Variants in SAMSN1 observed in about 807,000 individuals in gnomAD.
SAMSN1 encodes the protein SAM domain-containing protein SAMSN-1.
A neutral mutation model predicts 42.0 loss-of-function variants in SAMSN1; 31 were observed. The observed-to-expected ratio is 0.74, with a 90% CI of 0.55 to 1.00. SAMSN1 has a LOEUF of 1.00. Among genes scored for constraint, SAMSN1 ranks in the 50% least tolerant of loss-of-function variants. The probability of loss-of-function intolerance (pLI) is 0.00; values close to 1 mark genes in which losing one functional copy is unlikely to be tolerated. For synonymous variants in SAMSN1, 178 were observed against 151.9 expected (o/e 1.17, Z -1.26); for missense variants, 464 against 439.4 (o/e 1.06, Z -0.50).
At chr21:14,527,916 G>A (rs1159962994) in intron 1 of SAMSN1, among the ~76,000 whole-genome samples, 2 of 152,170 alleles carry the variant, frequency 1.3e-5, no homozygotes, top group East Asian at 1.9e-4. Context: ...TCCATAGACT[G>A]TAAGTCATGC....
chr21:14,536,795 G>A (rs1210710824), intron 1 of SAMSN1, among the ~76,000 whole-genome samples: 2 of 152,140 alleles, frequency 1.3e-5, no homozygotes, highest in Admixed American at 6.5e-5. Flanking sequence ...AGCACCAACT[G>A]GAAGCAAGAA....
intron 2 of SAMSN1, among the ~76,000 whole-genome samples, chr21:14,576,109 G>A (rs992283890): frequency 1.3e-5 from 2 of 152,126 alleles, no homozygotes; most frequent in Non-Finnish European, 2.9e-5. Flanking sequence ...TGTGCATCTG[G>A]TTAGAAGGAA....
At chr21:14,523,728 G>T (rs9984947) in intron 1 of SAMSN1, among the ~76,000 whole-genome samples, 26,816 of 152,140 alleles carry the variant, frequency 0.18, 2,661 homozygotes, top group East Asian at 0.28. Flanking sequence ...GTAAGGGTGC[G>T]ATTTCCACAA....
At chr21:14,586,262 C>CAAAAAAAAAAAAAAAAA (rs67482796), upstream of SAMSN1, among the ~76,000 whole-genome samples, 2 of 50,600 alleles carry the variant, frequency 4.0e-5, no homozygotes, top group Non-Finnish European at 7.1e-5. Context: ...GACTCCATCT[C>CAAAAAAAAAAAAAAAAA]AAAAAAAAAA....
chr21:14,569,993 C>T (rs565687522), intron 2 of SAMSN1, among the ~76,000 whole-genome samples: 3 of 151,860 alleles, frequency 2.0e-5, no homozygotes, highest in Non-Finnish European at 2.9e-5. Flanking sequence ...TTCCCCCCCC[C>T]CAGTTTTTCA....
At chr21:14,628,015 T>C (rs1983228910) in intron 2 of SAMSN1, among the ~76,000 whole-genome samples, 1 of 152,132 alleles carries the variant, frequency 6.6e-6, no homozygotes. Flanking sequence ...AGTCCAGCAA[T>C]AGACAGGATG....
intron 2 of SAMSN1, among the ~76,000 whole-genome samples, chr21:14,581,166 C>G (rs1380546199): frequency 6.6e-6 from 1 of 151,768 alleles, no homozygotes; most frequent in African/African-American, 2.4e-5. Context: ...GCCTTAGAGT[C>G]TGCCCTCGTA....
intron 1 of SAMSN1, among the ~76,000 whole-genome samples, chr21:14,647,199 T>C (rs764829203): frequency 4.6e-5 from 7 of 152,156 alleles, no homozygotes; most frequent in Non-Finnish European, 1.0e-4. Context: ...AAAGCACATA[T>C]ATATGGCTAG....
rs538779924 is a variant in SAMSN1 at position 14,654,001 on chromosome 21, T to A, written c.24+4747A>T. On this transcript the variant is annotated intron_variant, in intron 1 of 15. Transcript: ENST00000647101. ...TAAAAATATTATTTATTCATTTTTA[T>A]CCTTGTATGAAAAAATGAATTTAAA... Among the ~76,000 whole-genome samples the A allele has an allele frequency of 2.6e-5, 4 of 152,150 alleles. 1 individual carries two copies. In the South Asian group the frequency reaches 6.2e-4, roughly 24 times the overall value.
intron 2 of SAMSN1, among the ~76,000 whole-genome samples, chr21:14,559,871 A>G (rs539244283): frequency 6.6e-6 from 1 of 152,236 alleles, no homozygotes; most frequent in Non-Finnish European, 1.5e-5. Flanking sequence ...CACAGGCATA[A>G]TATATTGTTT....
At chr21:14,532,439 T>C (rs1377077904) in intron 1 of SAMSN1, among the ~76,000 whole-genome samples, 3 of 152,214 alleles carry the variant, frequency 2.0e-5, no homozygotes, top group Non-Finnish European at 2.9e-5. Flanking sequence ...AGTAAGTTCA[T>C]GTTAGGAAGT....
chr21:14,621,019 C>T (rs575559469), intron 2 of SAMSN1, among the ~76,000 whole-genome samples: 11 of 152,266 alleles, frequency 7.2e-5, no homozygotes, highest in Non-Finnish European at 1.2e-4. Context: ...AAATGCCACA[C>T]GCAAACTGAA....
At chr21:14,522,217 A>T (rs60267968) in intron 1 of SAMSN1, among the ~76,000 whole-genome samples, 1 of 152,226 alleles carries the variant, frequency 6.6e-6, no homozygotes, top group Admixed American at 6.5e-5. Flanking sequence ...GTAGGCAGGC[A>T]ATTATAAATA....
intron 2 of SAMSN1, among the ~76,000 whole-genome samples, chr21:14,622,433 T>C (rs952034367): frequency 2.6e-5 from 4 of 152,210 alleles, no homozygotes; most frequent in African/African-American, 9.6e-5. Flanking sequence ...TTAAATGACC[T>C]GATGGAGCTG....
At chr21:14,498,624 C>T in intron 6 of SAMSN1, 32 bp from the exon 7 acceptor site, 3 of 1,507,076 alleles carry the variant, frequency 2.0e-6, no homozygotes, top group Non-Finnish European at 2.7e-6. Context: ...GCAAATTAGT[C>T]AGATTCAAAT....
chr21:14,511,208 C>T (rs918271423), intron 4 of SAMSN1, among the ~76,000 whole-genome samples: 1 of 152,150 alleles, frequency 6.6e-6, no homozygotes, highest in African/African-American at 2.4e-5. Flanking sequence ...TAAGGTATAG[C>T]TCCTTCAAGA....
chr21:14,589,032 T>C (rs1982006663), intron 7 of SAMSN1, among the ~76,000 whole-genome samples: 1 of 152,186 alleles, frequency 6.6e-6, no homozygotes, highest in African/African-American at 2.4e-5. Flanking sequence ...TATCTTTTAG[T>C]TCATTTTGCT....
chr21:14,582,043 A>C lies in SAMSN1; in HGVS notation c.261+93T>G, dbSNP rs1981748582. On this transcript the variant is annotated intron_variant, in intron 2 of 8. Coordinates refer to the SAMSN1 transcript ENST00000285670. ...TCTGGTAACTTTTCTGAAACTGATA[A>C]ATTTCACTGATTAGCACTTTTGCTA... 6.5e-6 allele frequency: 8 copies of C among 1,225,088 alleles called. No individual in the cohort carries two copies. The South Asian group carries it at 1.3e-4, about 20-fold the overall frequency. 75.9% of individuals were successfully genotyped at this position (1,225,088 alleles called of 1,614,324 possible). A position where few individuals can be genotyped will look rare whatever the true frequency, so the allele number is the denominator to read the frequency against.
intron 4 of SAMSN1, chr21:14,609,632 C>A: frequency 1.4e-6 from 1 of 712,648 alleles, no homozygotes; most frequent in Middle Eastern, 2.3e-4. Context: ...AAGTATAAGA[C>A]ATTTGAAATC....
Sources: allele counts gnomAD v4.1 joint callset (sites outside exome capture counted in the v4.1 genomes callset), GRCh38; gene constraint gnomAD v4.1.1; transcripts MANE v1.5; gene names NCBI Gene and HGNC (gene_info 2026-07-23, HGNC 2026-07-21).